The following SESN2 variants were observed in gnomAD, a reference collection of about 807,000 sequenced individuals.
SESN2 encodes sestrin 2.
A neutral mutation model predicts 56.0 loss-of-function variants in SESN2; 42 were observed. That is an observed-to-expected ratio of 0.75 (90% CI 0.59 to 0.97). SESN2 has a LOEUF of 0.97. SESN2 is among the 50% of genes least tolerant of loss of function. The probability of loss-of-function intolerance (pLI) is 0.00; values close to 1 mark genes in which losing one functional copy is unlikely to be tolerated. For synonymous variants in SESN2, 264 were observed against 267.1 expected (o/e 0.99, Z 0.11); for missense variants, 507 against 649.4 (o/e 0.78, Z 2.38).
chr1:28,282,280 C>G lies in SESN2; in HGVS notation c.*1478C>G, dbSNP rs748011894. ...GCAGGCGCGGAGAAGCAACCGGCAC[C>G]CCCTTCCGGCCTGAAAGCCCTCCCT... On this transcript the variant is annotated 3_prime_UTR_variant, in exon 10 of 10. Transcript: ENST00000253063. 6.6e-6 allele frequency: 1 copy of G among 151,552 alleles called. No individual in the cohort carries two copies. The highest frequency in any genetic ancestry group is 1.5e-5 in the Non-Finnish European group (1 of 68,132). 9.4% of individuals were successfully genotyped at this position (151,552 alleles called of 1,614,324 possible).
intron 3 of SESN2, 52 bp downstream of exon 3, chr1:28,271,923 G>C (rs2149038619): frequency 6.5e-7 from 1 of 1,548,040 alleles, no homozygotes; most frequent in African/African-American, 1.4e-5. Context: ...GGTGGGTTCT[G>C]TCCTTTGATC....
chr1:28,259,673 C>A lies in SESN2; in HGVS notation c.-175C>A, dbSNP rs1437380111. 3.9e-6 allele frequency: 2 copies of A among 507,220 alleles called. No individual in the cohort carries two copies. Among genetic ancestry groups the A allele is most frequent in the Non-Finnish European group, 6.8e-6 (2 of 293,324 alleles). The allele number at this position is 507,220 out of a possible 1,614,324, so 31.4% of individuals were successfully genotyped here. ...CCCGAAGCCCGACTGGGGGAAGAGT[C>A]CAGCACCAAAGCGGCCGTTCTCGGA... On this transcript the variant is annotated 5_prime_UTR_variant, in exon 1 of 10. Transcript: ENST00000253063.
At chr1:28,265,561 T>G (rs1391272393) in intron 1 of SESN2, among the ~76,000 whole-genome samples, 1 of 151,996 alleles carries the variant, frequency 6.6e-6, no homozygotes, top group African/African-American at 2.4e-5. Flanking sequence ...GCCTGGCTAA[T>G]TTTTTGTATT....
Position 28,272,413 on chromosome 1 carries a change from A to T in SESN2, c.484A>T (p.Ile162Phe). The T allele has an allele frequency of 1.2e-6, 2 of 1,613,518 alleles. No homozygotes were observed. Among genetic ancestry groups the T allele is most frequent in the Non-Finnish European group, 1.7e-6 (2 of 1,180,020 alleles). ...APEKLRKLSEINKLLAHRPWL... is the reference protein window; with the variant it reads ...APEKLRKLSEFNKLLAHRPWL... ...CGAGAAGCTGCGCAAACTCAGCGAG[A>T]TCAACAAGTTGCTGGCGCATCGGCC... The change falls in exon 4 of 10, where the codon ATC (isoleucine) becomes TTC (phenylalanine). Residue 162 changes from isoleucine to phenylalanine, a missense_variant. By Grantham distance (21) the Ile-to-Phe change is conservative (BLOSUM62 0). Transcript: ENST00000253063.
Position 28,273,508 on chromosome 1 carries a change from G to A in SESN2, c.901G>A (p.Ala301Thr). Residue 301 changes from alanine (A) to threonine (T), a missense_variant and splice_region_variant, in exon 6 of 10, where the codon GCT becomes ACT. By Grantham distance (58) the Ala-to-Thr change is moderately conservative. Transcript: ENST00000253063. ...KSESLLVTPS[A>T]DILEPSPHPD... ...AGAGAGCCTGCTGGTGACCCCCTCA[G>A]GTACAGGGTCACAGGCATCCAGGCT... is the stretch of plus-strand genomic sequence containing the variant. 1 of 1,599,636 alleles carries A rather than the reference G, an allele frequency of 6.3e-7. No homozygotes were observed. Among genetic ancestry groups the A allele is most frequent in the Non-Finnish European group, 8.5e-7 (1 of 1,173,696 alleles).
At chr1:28,261,614 A>T (rs747720228) in intron 1 of SESN2, among the ~76,000 whole-genome samples, 26 of 152,134 alleles carry the variant, frequency 1.7e-4, no homozygotes, top group Non-Finnish European at 3.8e-4. Context: ...AGAGTGTCTC[A>T]CAAGGGGGTG....
chr1:28,281,039 A>T lies in SESN2; in HGVS notation c.*237A>T. 2.0e-6 allele frequency: 1 copy of T among 494,482 alleles called. No individual in the cohort carries two copies. Among genetic ancestry groups the T allele is most frequent in the South Asian group, 2.9e-5 (1 of 34,108 alleles). 30.6% of individuals were successfully genotyped at this position (494,482 alleles called of 1,614,324 possible). ...GCTGGAAGAGCACTTGGAGATCCTAAGGGACCACACCCTTCCTCCTTCCCC... is the reference window on the plus strand; with the variant it reads ...GCTGGAAGAGCACTTGGAGATCCTATGGGACCACACCCTTCCTCCTTCCCC... On this transcript the variant is annotated 3_prime_UTR_variant, in exon 10 of 10. Coordinates refer to ENST00000253063, the MANE Select transcript of SESN2 (RefSeq NM_031459.5).
rs1327183486 is a variant in SESN2, at chr1:28,274,146, C to G, written c.1008C>G (p.Thr336=). The G allele has an allele frequency of 6.2e-7, 1 of 1,609,846 alleles. No individual in the cohort carries two copies. The highest frequency in any genetic ancestry group is 1.3e-5 in the African/African-American group (1 of 74,978). The change falls in exon 7 of 10, where the codon ACC becomes ACG. Residue 336 remains threonine, a synonymous_variant. Coordinates refer to ENST00000253063, the MANE Select transcript of SESN2 (RefSeq NM_031459.5). The stretch of plus-strand genomic sequence containing the variant: ...GGAGAGGGGCTCAGGCACCCCCTAC[C>G]TTCCGGGCCCAGGTAGGGCTCTCTC... ...FTRRGAQAPP[T]FRAQDYTWED... is the part of the protein sequence containing the mutation.
rs761285895 is a variant in SESN2 at position 28,271,860 on chromosome 1, A to G, written c.343A>G (p.Ile115Val). The change falls in exon 3 of 10, where the codon ATT becomes GTT. Residue 115 changes from isoleucine to valine, a missense_variant. Transcript: ENST00000253063. ...GPLASSWRHY[I>V]AIMAAARHQC... ...CTTGGCCAGCTCCTGGCGCCACTAC[A>G]TTGCCATCATGGTGAGCCTCTCTGG... is the stretch of plus-strand genomic sequence containing the variant. 1.9e-6 allele frequency: 3 copies of G among 1,614,066 alleles called. No individual in the cohort carries two copies. Among genetic ancestry groups the G allele is most frequent in the Admixed American group, 1.7e-5 (1 of 60,008 alleles).
chr1:28,265,293 G>C (rs1338166975), intron 1 of SESN2, among the ~76,000 whole-genome samples: 1 of 152,194 alleles, frequency 6.6e-6, no homozygotes, highest in Non-Finnish European at 1.5e-5. Context: ...GAAGCATTCA[G>C]GGTATTGGAG....
rs1360966887 is a variant in SESN2 at position 28,272,766 on chromosome 1, A to G, written c.723A>G (p.Pro241=). 1.2e-6 allele frequency: 2 copies of G among 1,603,786 alleles called. No homozygotes were observed. The highest frequency in any genetic ancestry group is 1.7e-6 in the Non-Finnish European group (2 of 1,172,748). ...PTPPSEQSSP[P]SRDPLNNSGG... is the part of the protein sequence containing the mutation. ...CCCCTAGTGAACAGAGCAGCCCCCC[A>G]AGCAGGGACCCGTTGAACAACTCTG... The change falls in exon 5 of 10, where the codon CCA becomes CCG. Residue 241 remains proline (P), a synonymous_variant. Transcript: ENST00000253063.
At chr1:28,274,203 A>G in intron 7 of SESN2, 45 bp downstream of exon 7, 2 of 1,237,554 alleles carry the variant, frequency 1.6e-6, no homozygotes, top group Non-Finnish European at 2.4e-6. Context: ...CACATTTACG[A>G]ACAAGCAGTG....
rs776410096 is a variant in SESN2 at position 28,271,681 on chromosome 1, G to T, written c.164G>T (p.Arg55Leu). ...SAFIPVEEVL[R>L]EGAESLEQHL... is the part of the protein sequence containing the mutation. Reference sequence around the variant, plus strand: ...CTCCCCTTTGGTTGGCAGGTCCTTCGGGAGGGGGCTGAGAGCCTCGAGCAG... The same window carrying T: ...CTCCCCTTTGGTTGGCAGGTCCTTCTGGAGGGGGCTGAGAGCCTCGAGCAG... Residue 55 changes from arginine (R) to leucine (L), a missense_variant, in exon 3 of 10, where the codon CGG becomes CTG. Transcript: ENST00000253063. 1.2e-6 allele frequency: 2 copies of T among 1,613,938 alleles called. No individual in the cohort carries two copies. Among genetic ancestry groups the T allele is most frequent in the Non-Finnish European group, 1.7e-6 (2 of 1,179,970 alleles).
At chr1:28,277,589 T>C (rs1017714233) in intron 8 of SESN2, among the ~76,000 whole-genome samples, 25 of 152,208 alleles carry the variant, frequency 1.6e-4, no homozygotes, top group Admixed American at 1.5e-3. Context: ...GCCATTTCCT[T>C]ACCTATTCAT....
chr1:28,280,057 C>T (rs988530251), intron 9 of SESN2, among the ~76,000 whole-genome samples: 1 of 152,016 alleles, frequency 6.6e-6, no homozygotes, highest in Admixed American at 6.6e-5. Context: ...ATCCTGGTCT[C>T]AACCTCCTGA....
rs1450154271 is a variant in SESN2 at position 28,279,221 on chromosome 1, C to T, written c.1336C>T (p.His446Tyr). The T allele has an allele frequency of 1.2e-6, 2 of 1,614,012 alleles. No individual in the cohort carries two copies. The highest frequency in any genetic ancestry group is 8.5e-7 in the Non-Finnish European group (1 of 1,180,032). ...AAGAATGTACAACCTCTTCTGGAGG[C>T]ACTTCCGCCACTCAGAGAAGGTATG... ...TRRMYNLFWR[H>Y]FRHSEKVHVN... Residue 446 changes from histidine (H) to tyrosine (Y), a missense_variant, in exon 9 of 10, where the codon CAC becomes TAC. Coordinates refer to ENST00000253063, the MANE Select transcript of SESN2 (RefSeq NM_031459.5).
chr1:28,279,608 C>A (rs1220620784), intron 9 of SESN2, among the ~76,000 whole-genome samples: 1 of 148,216 alleles, frequency 6.7e-6, no homozygotes, highest in African/African-American at 2.5e-5. Flanking sequence ...TGCAGTGGCA[C>A]GATCTTGGCT....
intron 1 of SESN2, among the ~76,000 whole-genome samples, chr1:28,266,301 C>T (rs186848183): frequency 8.5e-5 from 13 of 152,260 alleles, no homozygotes; most frequent in African/African-American, 2.9e-4. Context: ...TTCTAATGTA[C>T]CGCTTGGGTT....
At chr1:28,260,026 T>C in intron 1 of SESN2, 89 bp downstream of exon 1, 1 of 1,005,712 alleles carries the variant, frequency 9.9e-7, no homozygotes, top group Non-Finnish European at 1.4e-6. Flanking sequence ...CGGTGTGTCC[T>C]GGGCTCGGGG....
Sources: allele counts gnomAD v4.1 joint callset (sites outside exome capture counted in the v4.1 genomes callset), GRCh38; gene constraint gnomAD v4.1.1; transcripts MANE v1.5; gene names NCBI Gene and HGNC (gene_info 2026-07-23, HGNC 2026-07-21).